The following RAB15 variants were observed in gnomAD, a reference collection of about 807,000 sequenced individuals.
The protein encoded by RAB15 is ras-related protein Rab-15.
A neutral mutation model predicts 31.8 loss-of-function variants in RAB15; 13 were observed. The ratio of observed to expected loss-of-function variants is 0.41; its 90% CI spans 0.27 to 0.65. The LOEUF (loss-of-function observed/expected upper bound fraction) is 0.65. RAB15 is among the 30% of genes least tolerant of loss of function. RAB15 has a pLI of 0.32. For missense variants in RAB15, 220 were observed against 277.3 expected (o/e 0.79, Z 1.47); for synonymous variants, 100 against 105.6 (o/e 0.95, Z 0.33).
chr14:64,948,655 C>G lies in RAB15; in HGVS notation c.480+13G>C, dbSNP rs769785231. ...GCCCGAGAGAGCGGGCGCCTGGTCA[C>G]CAGGGCTCTCACCTCTTTAATGTTG... On this transcript the variant is annotated intron_variant, in intron 6 of 6. Transcript: ENST00000533601. The surrounding 1 kb of genome is among the most constrained non-coding windows in gnomAD (Gnocchi z 7.0). 1.2e-6 allele frequency: 2 copies of G among 1,613,954 alleles called. No individual in the cohort carries two copies. Among genetic ancestry groups the G allele is most frequent in the Non-Finnish European group, 1.7e-6 (2 of 1,179,990 alleles).
In RAB15 at chr14:64,968,896, G is replaced by A. The variant is rs567770742; in HGVS notation, c.124+3057C>T. Among the ~76,000 whole-genome samples, 3 of 152,350 alleles carry A rather than the reference G, an allele frequency of 2.0e-5. No individual in the cohort carries two copies. The East Asian group carries it at 5.8e-4, about 29-fold the overall frequency. On this transcript the variant is annotated intron_variant, in intron 1 of 6. Transcript: ENST00000533601. The surrounding 1 kb of genome is among the most constrained non-coding windows in gnomAD (Gnocchi z 4.9). ...GGCCAGAAAGACGAAAAGGATAGGG[G>A]GAGGGACAGTCAGTGTCTCAGTCTA... is the stretch of plus-strand genomic sequence containing the variant.
chr14:64,959,188 A>T (rs1886729137), intron 1 of RAB15, among the ~76,000 whole-genome samples: 1 of 152,180 alleles, frequency 6.6e-6, no homozygotes, highest in Non-Finnish European at 1.5e-5. Flanking sequence ...GGGGCTGGGG[A>T]CGGTGGATCC....
chr14:64,963,564 C>T (rs1398553167), intron 1 of RAB15, among the ~76,000 whole-genome samples: 1 of 152,214 alleles, frequency 6.6e-6, no homozygotes, highest in Non-Finnish European at 1.5e-5. Flanking sequence ...CAGGGCTGTG[C>T]TGACTGGTAG....
At position 64,954,394 on chromosome 14, in the gene RAB15, A is replaced by T; in HGVS notation, c.125-1823T>A. On this transcript the variant is annotated intron_variant, in intron 1 of 6. Transcript: ENST00000533601. The surrounding 1 kb of genome is among the most constrained non-coding windows in gnomAD (Gnocchi z 4.3). ...AGACATTCTTGTTTCATGATACAGC[A>T]CCTTCTTCCAAGAAGAACGAGAAAT... 2 of 985,334 alleles carry T rather than the reference A, an allele frequency of 2.0e-6. No individual in the cohort carries two copies. Among genetic ancestry groups the T allele is most frequent in the East Asian group, 1.1e-4 (1 of 8,818 alleles). 61.0% of individuals were successfully genotyped at this position (985,334 alleles called of 1,614,324 possible).
intron 1 of RAB15, among the ~76,000 whole-genome samples, chr14:64,957,216 C>T (rs573227381): frequency 6.6e-6 from 1 of 152,198 alleles, no homozygotes; most frequent in African/African-American, 2.4e-5. Flanking sequence ...GGATTATAGG[C>T]ATGAGCCTCC....
intron 1 of RAB15, among the ~76,000 whole-genome samples, chr14:64,963,569 T>C (rs749476003): frequency 9.2e-5 from 14 of 152,156 alleles, no homozygotes; most frequent in Non-Finnish European, 1.6e-4. Context: ...CTGTGCTGAC[T>C]GGTAGCAAAA....
At chr14:64,949,431 C>G (rs1886107237) in intron 5 of RAB15, among the ~76,000 whole-genome samples, 1 of 152,152 alleles carries the variant, frequency 6.6e-6, no homozygotes, top group Non-Finnish European at 1.5e-5. Context: ...CTCAGAAATA[C>G]CAATCTTGGC....
At chr14:64,956,645 A>G (rs550771710) in intron 1 of RAB15, among the ~76,000 whole-genome samples, 4 of 152,292 alleles carry the variant, frequency 2.6e-5, no homozygotes, top group South Asian at 2.1e-4. Context: ...CTGTTTCTCA[A>G]GGTGTGCTTT....
chr14:64,960,071 C>G (rs879623581), intron 1 of RAB15, among the ~76,000 whole-genome samples: 4 of 152,194 alleles, frequency 2.6e-5, no homozygotes, highest in Admixed American at 2.6e-4. Context: ...CCTGCTGTGA[C>G]TCTGTCTGTA....
At position 64,952,706 on chromosome 14, in the gene RAB15, C is replaced by T. The variant is rs1886328183; in HGVS notation, c.125-135G>A. 3.4e-6 allele frequency: 2 copies of T among 591,936 alleles called. No individual in the cohort carries two copies. The highest frequency in any genetic ancestry group is 5.9e-6 in the Non-Finnish European group (2 of 337,852). The allele number at this position is 591,936 out of a possible 1,614,324, so 36.7% of individuals were successfully genotyped here. ...AGGGATGAAGTAATGTAAAGGCCTT[C>T]TTTAAGCAGAAACTGACCTTAAGGA... On this transcript the variant is annotated intron_variant, in intron 1 of 6. Coordinates refer to ENST00000533601, the MANE Select transcript of RAB15 (RefSeq NM_001308154.2). This position sits in a 1 kb window ranked among gnomAD's most constrained non-coding sequence, Gnocchi z 4.2.
intron 1 of RAB15, among the ~76,000 whole-genome samples, chr14:64,957,081 TG>T (rs1433835381): frequency 6.6e-6 from 1 of 151,484 alleles, no homozygotes; most frequent in Non-Finnish European, 1.5e-5. Flanking sequence ...GGACTGCAAG[TG>T]TGCACCACCA....
intron 1 of RAB15, among the ~76,000 whole-genome samples, chr14:64,956,470 G>A (rs1285672767): frequency 2.0e-5 from 3 of 151,720 alleles, no homozygotes; most frequent in African/African-American, 7.3e-5. Flanking sequence ...GCAAATTCTT[G>A]GGCCTTACCT....
At chr14:64,964,845 G>A (rs1566848807) in intron 1 of RAB15, among the ~76,000 whole-genome samples, 1 of 152,108 alleles carries the variant, frequency 6.6e-6, no homozygotes, top group Non-Finnish European at 1.5e-5. Flanking sequence ...AAAGTGCTGG[G>A]ATTACAGGCG....
chr14:64,948,605 C>T lies in RAB15; in HGVS notation c.480+63G>A, dbSNP rs1460842322. On this transcript the variant is annotated intron_variant, in intron 6 of 6. Coordinates refer to ENST00000533601, the MANE Select transcript of RAB15 (RefSeq NM_001308154.2). This position sits in a 1 kb window ranked among gnomAD's most constrained non-coding sequence, Gnocchi z 7.0. ...GAGGGATAAGGTCCATCTTATGGCT[C>T]CTCCTCCCACCTCTGCTGGACTCAG... 1 of 1,610,548 alleles carries T rather than the reference C, an allele frequency of 6.2e-7. No individual in the cohort carries two copies. Among genetic ancestry groups the T allele is most frequent in the Non-Finnish European group, 8.5e-7 (1 of 1,177,474 alleles).
intron 1 of RAB15, among the ~76,000 whole-genome samples, chr14:64,956,950 T>TG (rs1240430313): frequency 5.0e-4 from 73 of 146,978 alleles, no homozygotes; most frequent in African/African-American, 1.5e-3. Flanking sequence ...TTTTTTTTTT[T>TG]GGGATGGAGT....
chr14:64,949,244 T>C lies in RAB15; in HGVS notation c.415-511A>G, dbSNP rs75780162. Among the ~76,000 whole-genome samples, 553 of 152,332 alleles carry C rather than the reference T, an allele frequency of 3.6e-3. 3 individuals carry two copies. Among genetic ancestry groups the C allele is most frequent in the African/African-American group, 0.012 (501 of 41,578 alleles). On this transcript the variant is annotated intron_variant, in intron 5 of 6. Coordinates refer to ENST00000533601, the MANE Select transcript of RAB15 (RefSeq NM_001308154.2). ...GCTTGCCTTAGCACAGTGCCACACA[T>C]AGAGTGCTCAATAAATACTATCCTA...
chr14:64,967,618 A>G (rs1887208025), intron 1 of RAB15, among the ~76,000 whole-genome samples: 1 of 151,782 alleles, frequency 6.6e-6, no homozygotes, highest in Non-Finnish European at 1.5e-5. Flanking sequence ...AAAGAAAACC[A>G]ACAACTCCTG....
At chr14:64,967,930 T>C (rs1329787718) in intron 1 of RAB15, among the ~76,000 whole-genome samples, 1 of 152,116 alleles carries the variant, frequency 6.6e-6, no homozygotes, top group Non-Finnish European at 1.5e-5. Flanking sequence ...CCCTGACTAG[T>C]CTCCCTGCTT....
rs1254641074 is a variant in RAB15, at chr14:64,948,385, G to C, written c.608C>G (p.Pro203Arg). ...CCAGCAGGTTTTCGAAGAGTTCGCT[G>C]GGCCCTCGGGTTTGCCCTCCTCCTC... ...LEEEEGKPEG[P>R]ANSSKTCWC Residue 203 changes from proline to arginine, a missense_variant, in exon 7 of 7, where the codon CCA becomes CGA. By Grantham distance (103) the Pro-to-Arg change is moderately radical (BLOSUM62 -2). Transcript: ENST00000533601. The surrounding 1 kb of genome is among the most constrained non-coding windows in gnomAD (Gnocchi z 7.0). The C allele has an allele frequency of 4.4e-6, 7 of 1,604,462 alleles. No individual in the cohort carries two copies. The South Asian group carries it at 6.7e-5, about 15-fold the overall frequency.
Sources: gnomAD v4.1 joint callset for allele counts (sites outside exome capture counted in the v4.1 genomes callset) on GRCh38, gnomAD v4.1.1 for gene constraint, Gnocchi (gnomAD v3.1) non-coding constraint, MANE v1.5 for transcripts, NCBI Gene and HGNC (gene_info 2026-07-23, HGNC 2026-07-21) for gene names.